PDE10A: variants seen among roughly 807,000 people sequenced by gnomAD.
PDE10A encodes the protein phosphodiesterase 10A, also known as cAMP and cAMP-inhibited cGMP 3',5'-cyclic phosphodiesterase 10A.
Under a neutral mutation model 97.7 loss-of-function variants are expected in PDE10A, and 39 were observed. The observed-to-expected ratio is 0.40, with a 90% CI of 0.31 to 0.52. The LOEUF (loss-of-function observed/expected upper bound fraction) is 0.52. Ranked by LOEUF, PDE10A falls within the 20% of genes least tolerant of loss-of-function variation. The pLI is 0.56. For synonymous variants in PDE10A, 371 were observed against 376.8 expected, an observed-to-expected ratio of 0.98 and a Z score of 0.18; for missense variants, 731 against 1,047.8, an observed-to-expected ratio of 0.70 and a Z score of 4.17.
chr6:165,837,781 G>A (rs528945062), intron 1 of PDE10A, among the ~76,000 whole-genome samples: 1 of 150,430 alleles, frequency 6.6e-6, no homozygotes, highest in African/African-American at 2.4e-5. Context: ...CGCCTCCCAG[G>A]TTCATGCCAT....
intron 1 of PDE10A, among the ~76,000 whole-genome samples, chr6:165,934,759 C>T (rs1783267924): frequency 6.6e-6 from 1 of 151,990 alleles, no homozygotes; most frequent in African/African-American, 2.4e-5. Context: ...GGATGGGCTC[C>T]CAATGTGGTT....
At chr6:165,515,027 T>A (rs1781712593) in intron 2 of PDE10A, among the ~76,000 whole-genome samples, 1 of 152,328 alleles carries the variant, frequency 6.6e-6, no homozygotes, top group Non-Finnish European at 1.5e-5. Flanking sequence ...CAATTTTCAA[T>A]GTGTAGTTCA....
At chr6:165,522,377 T>C (rs1393357544) in intron 2 of PDE10A, among the ~76,000 whole-genome samples, 2 of 152,166 alleles carry the variant, frequency 1.3e-5, no homozygotes, top group Non-Finnish European at 2.9e-5. Context: ...ATATCCCTGA[T>C]GAACATAGAT....
At chr6:165,446,802 T>G (rs182623650) in intron 5 of PDE10A, among the ~76,000 whole-genome samples, 98 of 152,178 alleles carry the variant, frequency 6.4e-4, no homozygotes, top group African/African-American at 2.0e-3. Context: ...GAAGACAGAC[T>G]CAGTCCCTGA....
intron 1 of PDE10A, among the ~76,000 whole-genome samples, chr6:165,813,265 C>T (rs1237925168): frequency 1.3e-5 from 2 of 148,878 alleles, no homozygotes; most frequent in African/African-American, 4.9e-5. Flanking sequence ...TAAAAATAAT[C>T]TCATGATAGC....
chr6:165,515,705 G>A (rs1222684897), intron 2 of PDE10A, among the ~76,000 whole-genome samples: 1 of 151,836 alleles, frequency 6.6e-6, no homozygotes, highest in Non-Finnish European at 1.5e-5. Flanking sequence ...TGTATTTTTA[G>A]TAGAGACGGG....
intron 1 of PDE10A, among the ~76,000 whole-genome samples, chr6:165,868,963 G>C (rs1293036435): frequency 6.6e-6 from 1 of 151,714 alleles, no homozygotes; most frequent in Non-Finnish European, 1.5e-5. Flanking sequence ...CATAATAAAG[G>C]CCATATATGA....
At chr6:165,704,887 T>C (rs951794022) in intron 1 of PDE10A, among the ~76,000 whole-genome samples, 3 of 152,246 alleles carry the variant, frequency 2.0e-5, no homozygotes, top group African/African-American at 4.8e-5. Flanking sequence ...CAGTCCATGA[T>C]GGACCATTAC....
intron 1 of PDE10A, among the ~76,000 whole-genome samples, chr6:165,550,210 G>A (rs1490342147): frequency 6.6e-6 from 1 of 151,952 alleles, no homozygotes; most frequent in East Asian, 1.9e-4. Flanking sequence ...CTCAATCACA[G>A]AAAAGGGAAA....
At chr6:165,776,246 C>G (rs954536770) in intron 1 of PDE10A, among the ~76,000 whole-genome samples, 2 of 152,158 alleles carry the variant, frequency 1.3e-5, no homozygotes, top group Non-Finnish European at 2.9e-5. Context: ...ATGTATAACA[C>G]ACATTTAAAC....
chr6:165,348,936 C>A (rs567584033), intron 18 of PDE10A, among the ~76,000 whole-genome samples: 2 of 152,258 alleles, frequency 1.3e-5, no homozygotes, highest in East Asian at 3.9e-4. Flanking sequence ...TGTAAGTCTC[C>A]TGAGGCCGCC....
At chr6:165,677,115 G>A (rs1790820688) in intron 1 of PDE10A, among the ~76,000 whole-genome samples, 1 of 152,194 alleles carries the variant, frequency 6.6e-6, no homozygotes, top group Non-Finnish European at 1.5e-5. Flanking sequence ...ATGTTGCTGT[G>A]AAGGCATTTT....
chr6:165,589,691 A>G (rs1176571587), intron 1 of PDE10A, among the ~76,000 whole-genome samples: 1 of 152,186 alleles, frequency 6.6e-6, no homozygotes, highest in Non-Finnish European at 1.5e-5. Context: ...GAGGAAGGGA[A>G]GAAAGACAAA....
Position 165,662,015 on chromosome 6 carries a change from T to C in PDE10A, c.797A>G (p.Asp266Gly). 6.6e-7 allele frequency: 1 copy of C among 1,504,488 alleles called. No homozygotes were observed. The highest frequency in any genetic ancestry group is 2.7e-5 in the East Asian group (1 of 37,666). 93.2% of individuals were successfully genotyped at this position (1,504,488 alleles called of 1,614,324 possible). The change falls in exon 1 of 22, where the codon GAC becomes GGC. Residue 266 changes from aspartate (D) to glycine (G), a missense_variant. Transcript: ENST00000539869. Reference protein sequence around the residue: ...AAAAALLFGSDMEDGPSNNAS... With the variant: ...AAAAALLFGSGMEDGPSNNAS... The stretch of plus-strand genomic sequence containing the variant: ...ATTATTAGAAGGTCCATCTTCCATG[T>C]CGGAGCCGAAGAGCAGCGCGGCCGC...
chr6:165,626,857 C>T (rs113880755), intron 1 of PDE10A, among the ~76,000 whole-genome samples: 1,604 of 152,248 alleles, frequency 0.011, 28 homozygotes, highest in African/African-American at 0.036. Context: ...GCATCAGGGA[C>T]GGGCTCAGTA....
intron 11 of PDE10A, 44 bp from the exon 12 acceptor site, chr6:165,416,325 T>C (rs113965509): frequency 7.6e-6 from 9 of 1,187,396 alleles, no homozygotes; most frequent in Non-Finnish European, 1.1e-5. Context: ...AAATATGGAC[T>C]CTGTAGAATA....
At chr6:165,523,544 G>A (rs1313558303) in intron 2 of PDE10A, among the ~76,000 whole-genome samples, 2 of 152,090 alleles carry the variant, frequency 1.3e-5, no homozygotes, top group Admixed American at 1.3e-4. Flanking sequence ...AATAAATGAG[G>A]CTGTATTAAC....
Position 165,417,367 on chromosome 6 carries a change from A to G in PDE10A, c.1797-1086T>C, listed in dbSNP as rs568995909. Among the ~76,000 whole-genome samples, 37 of 152,244 alleles carry G rather than the reference A, an allele frequency of 2.4e-4. No homozygotes were observed. The South Asian group carries it at 4.2e-3, about 17-fold the overall frequency. ...GCAGTCTGAACTATAACTTTTGTTC[A>G]TGCTCTCTGTGGTTTGCTATCTGTG... On this transcript the variant is annotated intron_variant, in intron 11 of 21. Coordinates refer to ENST00000539869, the MANE Select transcript of PDE10A (RefSeq NM_001385079.1).
intron 1 of PDE10A, among the ~76,000 whole-genome samples, chr6:165,954,962 T>G (rs705791): frequency 0.57 from 86,255 of 151,868 alleles, 25,889 homozygotes; most frequent in East Asian, 0.89. Context: ...CTCAACAAAC[T>G]CAACGTAGCT....
Sources: gnomAD v4.1 joint callset for allele counts (sites outside exome capture counted in the v4.1 genomes callset) on GRCh38, gnomAD v4.1.1 for gene constraint, MANE v1.5 for transcripts, NCBI Gene and HGNC (gene_info 2026-07-23, HGNC 2026-07-21) for gene names.